The following ZNF93 variants were observed in gnomAD, a reference collection of about 807,000 sequenced individuals.
The protein encoded by ZNF93 is zinc finger protein 93, also known as zinc finger protein 505.
ZNF93 carries 29 observed loss-of-function variants against 45.0 expected under a neutral mutation model. That is an observed-to-expected ratio of 0.64 (90% CI 0.48 to 0.88). The LOEUF (loss-of-function observed/expected upper bound fraction) is 0.88. Ranked by LOEUF, ZNF93 falls within the 40% of genes least tolerant of loss-of-function variation. The pLI, the probability that ZNF93 is intolerant of heterozygous loss-of-function variation, is 0.00. For missense variants in ZNF93, 578 were observed against 724.0 expected, an observed-to-expected ratio of 0.80 and a Z score of 2.31; for synonymous variants, 223 against 244.6, an observed-to-expected ratio of 0.91 and a Z score of 0.82.
At chr19:19,922,398 A>T (rs1451760507) in intron 3 of ZNF93, among the ~76,000 whole-genome samples, 1 of 152,144 alleles carries the variant, frequency 6.6e-6, no homozygotes, top group African/African-American at 2.4e-5. Flanking sequence ...ACTTTGGTGA[A>T]TCTGACAATT....
At chr19:19,909,282 AG>A (rs1358058800) in intron 1 of ZNF93, 1 of 152,262 alleles carries the variant, frequency 6.6e-6, no homozygotes, top group Non-Finnish European at 1.5e-5. Context: ...GAAAGTAAAC[AG>A]GAGTGCTGTA....
intron 1 of ZNF93, among the ~76,000 whole-genome samples, chr19:19,902,172 T>C (rs1568505224): frequency 6.6e-6 from 1 of 152,222 alleles, no homozygotes; most frequent in Admixed American, 6.5e-5. Flanking sequence ...AAACACTGAG[T>C]TTCAAAAACC....
Position 19,901,034 on chromosome 19 carries a change from C to T in ZNF93, c.-55C>T, listed in dbSNP as rs2063268680. 3.1e-6 allele frequency: 5 copies of T among 1,610,810 alleles called. No individual in the cohort carries two copies. The highest frequency in any genetic ancestry group is 4.2e-6 in the Non-Finnish European group (5 of 1,177,576). ...GGCCCAGCCTCTGTGGCCCTGTGAC[C>T]TGCAGGTATTGGGAGATCCACAGCT... On this transcript the variant is annotated 5_prime_UTR_variant, in exon 1 of 4. Coordinates refer to ENST00000343769, the MANE Select transcript of ZNF93 (RefSeq NM_031218.4).
At chr19:19,917,731 G>A (rs2063328687) in intron 3 of ZNF93, among the ~76,000 whole-genome samples, 1 of 152,072 alleles carries the variant, frequency 6.6e-6, no homozygotes, top group Non-Finnish European at 1.5e-5. Flanking sequence ...GGTCAGAGTG[G>A]TCTCAAACTC....
At chr19:19,904,216 G>GTC (rs143578405) in intron 1 of ZNF93, among the ~76,000 whole-genome samples, 1 of 58,236 alleles carries the variant, frequency 1.7e-5, no homozygotes, top group African/African-American at 6.9e-4. Flanking sequence ...AAGGGAAAGA[G>GTC]TTTTTCTATA....
chr19:19,928,956 G>A (rs1424298167), intron 3 of ZNF93, among the ~76,000 whole-genome samples: 1 of 152,154 alleles, frequency 6.6e-6, no homozygotes, highest in Non-Finnish European at 1.5e-5. Context: ...ATATGGTTTG[G>A]ATGTCTATGT....
At chr19:19,912,407 G>T (rs1568507977) in intron 1 of ZNF93, among the ~76,000 whole-genome samples, 1 of 152,044 alleles carries the variant, frequency 6.6e-6, no homozygotes, top group African/African-American at 2.4e-5. Context: ...TCAGAGTTTT[G>T]GCTGCTGAAT....
At position 19,928,766 on chromosome 19, in the gene ZNF93, G is replaced by T. The variant is rs117589146; in HGVS notation, c.227-4416G>T. Among the ~76,000 whole-genome samples the T allele has an allele frequency of 1.5e-3, 226 of 152,312 alleles. 4 individuals are homozygous for T. In the East Asian group the frequency reaches 0.038, roughly 25 times the overall value. ...TGGTCTCAAACTTTTGACACCAATG[G>T]ATCTCCCAAAGTGTTAGGATTATAG... On this transcript the variant is annotated intron_variant, in intron 3 of 3. Transcript: ENST00000343769.
intron 3 of ZNF93, 39 bp downstream of exon 3, chr19:19,916,694 T>A (rs769792784): frequency 6.7e-7 from 1 of 1,483,956 alleles, no homozygotes; most frequent in Non-Finnish European, 9.2e-7. Flanking sequence ...GACAACACAG[T>A]AAGAGGTCCC....
intron 1 of ZNF93, among the ~76,000 whole-genome samples, chr19:19,901,932 A>G (rs2063273166): frequency 6.6e-6 from 1 of 152,154 alleles, no homozygotes; most frequent in South Asian, 2.1e-4. Context: ...TCTACTAAAA[A>G]TACAAAAATT....
At chr19:19,927,174 T>A (rs2063358744) in intron 3 of ZNF93, 1 of 398,338 alleles carries the variant, frequency 2.5e-6, no homozygotes, top group South Asian at 1.3e-4. Flanking sequence ...GCCAAGAGGA[T>A]CCCTGGAGCC....
chr19:19,901,092 G>C lies in ZNF93; in HGVS notation c.3+1G>C, dbSNP rs369006566. On this transcript the variant is annotated splice_donor_variant, in intron 1 of 3. Transcript: ENST00000343769. LOFTEE classifies it high-confidence loss of function. ...CAGGACCCCTGGAAGCCTAGAAATG[G>C]TGAGAGTGCCGGTCCGACATCCCAA... 4.3e-6 allele frequency: 7 copies of C among 1,613,468 alleles called. No individual in the cohort carries two copies. The African/African-American group carries it at 6.7e-5, about 15-fold the overall frequency.
At chr19:19,920,319 T>C (rs1032444017) in intron 3 of ZNF93, among the ~76,000 whole-genome samples, 1 of 152,240 alleles carries the variant, frequency 6.6e-6, no homozygotes, top group Admixed American at 6.5e-5. Context: ...TCATGGTGGA[T>C]AAGCTTTTTG....
chr19:19,912,035 C>T (rs2063310052), intron 1 of ZNF93, among the ~76,000 whole-genome samples: 1 of 152,136 alleles, frequency 6.6e-6, no homozygotes, highest in African/African-American at 2.4e-5. Flanking sequence ...AAGCATGACC[C>T]ACCGCGCTTG....
chr19:19,914,712 A>G, intron 1 of ZNF93: 1 of 304,414 alleles, frequency 3.3e-6, no homozygotes, highest in Non-Finnish European at 6.2e-6. Flanking sequence ...TGGAAGATGA[A>G]GGCTGTTATC....
chr19:19,923,230 C>T (rs1296723105), intron 3 of ZNF93, among the ~76,000 whole-genome samples: 9 of 152,128 alleles, frequency 5.9e-5, no homozygotes, highest in Non-Finnish European at 1.0e-4. Flanking sequence ...GTATCAGCAG[C>T]GGAGGCTGCA....
At chr19:19,917,334 T>G (rs1008227244) in intron 3 of ZNF93, among the ~76,000 whole-genome samples, 16 of 112,166 alleles carry the variant, frequency 1.4e-4, no homozygotes, top group African/African-American at 3.1e-4. Context: ...ATAATACTTA[T>G]TCTTCAAGTT....
At chr19:19,905,831 A>G (rs1322956211) in intron 1 of ZNF93, among the ~76,000 whole-genome samples, 1 of 151,944 alleles carries the variant, frequency 6.6e-6, no homozygotes, top group African/African-American at 2.4e-5. Context: ...AGCTCAGGCA[A>G]TCCACCAGCC....
At chr19:19,909,017 T>A in intron 1 of ZNF93, 1 of 152,592 alleles carries the variant, frequency 6.6e-6, no homozygotes, top group Middle Eastern at 1.9e-3. Flanking sequence ...TGCTGAAAAT[T>A]CAGAAGTATT....
Sources: gnomAD v4.1 joint callset for allele counts (sites outside exome capture counted in the v4.1 genomes callset) on GRCh38, gnomAD v4.1.1 for gene constraint, MANE v1.5 for transcripts, NCBI Gene and HGNC (gene_info 2026-07-23, HGNC 2026-07-21) for gene names.